AUTS2: variants seen among roughly 807,000 people sequenced by gnomAD.
AUTS2 encodes the protein activator of transcription and developmental regulator AUTS2.
AUTS2 carries 17 observed loss-of-function variants against 112.4 expected under a neutral mutation model. The observed-to-expected ratio is 0.15, with a 90% CI of 0.10 to 0.23. The LOEUF (loss-of-function observed/expected upper bound fraction) is 0.23, where lower values mean the gene tolerates loss of function less well. Ranked by LOEUF, AUTS2 falls within the 10% of genes least tolerant of loss-of-function variation. The pLI, the probability that AUTS2 is intolerant of heterozygous loss-of-function variation, is 1.00. For missense variants in AUTS2, 1,510 were observed against 1,701.6 expected (o/e 0.89, Z 1.98); for synonymous variants, 751 against 702.7 (o/e 1.07, Z -1.09).
At chr7:70,596,435 C>G (rs1449364698) in intron 5 of AUTS2, 2 of 152,182 alleles carry the variant, frequency 1.3e-5, no homozygotes, top group Non-Finnish European at 2.9e-5. Context: ...CTGGCTCCAG[C>G]CGTGGTACCG....
rs191623042 is a variant in AUTS2, at chr7:70,279,404, C to T, written c.660+144833C>T. On this transcript the variant is annotated intron_variant, in intron 4 of 18. Coordinates refer to ENST00000342771, the MANE Select transcript of AUTS2 (RefSeq NM_015570.4). ...GCACTGAACATATTGATGCAGAACC[C>T]GAACGAGGCTACTCCAGTGGGACAA... Among the ~76,000 whole-genome samples the T allele has an allele frequency of 9.2e-5, 14 of 152,238 alleles. No homozygotes were observed. The East Asian group carries it at 1.9e-3, about 21-fold the overall frequency.
At chr7:69,794,138 G>A (rs1368694050) in intron 1 of AUTS2, among the ~76,000 whole-genome samples, 1 of 152,182 alleles carries the variant, frequency 6.6e-6, no homozygotes, top group African/African-American at 2.4e-5. Flanking sequence ...GAGAATTGAG[G>A]TTCGGAGAAC....
chr7:70,703,263 G>A (rs945517080), intron 6 of AUTS2, among the ~76,000 whole-genome samples: 2 of 152,164 alleles, frequency 1.3e-5, no homozygotes, highest in African/African-American at 4.8e-5. Context: ...GGGAGGCTGA[G>A]GCAGGAGGAT....
At position 70,791,235 on chromosome 7, in the gene AUTS2, G is replaced by A. The variant is rs1377210687; in HGVS notation, c.*239G>A. The A allele has an allele frequency of 1.2e-5, 3 of 250,170 alleles. No homozygotes were observed. Among genetic ancestry groups the A allele is most frequent in the African/African-American group, 2.4e-5 (1 of 40,870 alleles). 15.5% of individuals were successfully genotyped at this position (250,170 alleles called of 1,614,324 possible). The stretch of plus-strand genomic sequence containing the variant: ...TCACGTCTCCTACTTTTTGTTTCTC[G>A]TATAAAACTTTTTGATTTGAACCAA... On this transcript the variant is annotated 3_prime_UTR_variant, in exon 19 of 19. Transcript: ENST00000342771.
chr7:70,217,044 A>AGGCGTATTTTTTTTTTCC (rs1811203788), intron 4 of AUTS2, among the ~76,000 whole-genome samples: 1 of 152,052 alleles, frequency 6.6e-6, no homozygotes. Flanking sequence ...CGTCTTACAT[A>AGGCGTATTTTTTTTTTCC]GGCGTATTTT....
intron 4 of AUTS2, among the ~76,000 whole-genome samples, chr7:70,189,640 T>C (rs964472034): frequency 1.3e-5 from 2 of 152,194 alleles, no homozygotes; most frequent in African/African-American, 4.8e-5. Flanking sequence ...AAAATGTGTG[T>C]TTAAGTGGAG....
At chr7:70,745,417 AG>A (rs1160246770) in intron 6 of AUTS2, among the ~76,000 whole-genome samples, 1 of 152,214 alleles carries the variant, frequency 6.6e-6, no homozygotes, top group Non-Finnish European at 1.5e-5. Flanking sequence ...ACTTTGTATC[AG>A]GTTTCCGGAT....
chr7:70,164,750 T>A (rs559733320), intron 4 of AUTS2, among the ~76,000 whole-genome samples: 1 of 152,206 alleles, frequency 6.6e-6, no homozygotes, highest in South Asian at 2.1e-4. Flanking sequence ...TTGAAAGAAG[T>A]AGTTACCCAT....
At chr7:70,582,839 A>C (rs1423795164) in intron 5 of AUTS2, among the ~76,000 whole-genome samples, 1 of 152,210 alleles carries the variant, frequency 6.6e-6, no homozygotes, top group Non-Finnish European at 1.5e-5. Context: ...CCTTTAAAAA[A>C]AATGTGTTGT....
At chr7:70,160,857 A>T (rs1257203188) in intron 4 of AUTS2, among the ~76,000 whole-genome samples, 1 of 152,188 alleles carries the variant, frequency 6.6e-6, no homozygotes, top group Non-Finnish European at 1.5e-5. Flanking sequence ...TTCTTCTTTG[A>T]TGGAGCTGTG....
chr7:70,649,403 A>G (rs1333122562), intron 5 of AUTS2, among the ~76,000 whole-genome samples: 1 of 152,238 alleles, frequency 6.6e-6, no homozygotes, highest in African/African-American at 2.4e-5. Context: ...CTCAAAAAAA[A>G]TAAAAAAGTA....
intron 1 of AUTS2, among the ~76,000 whole-genome samples, chr7:69,883,121 C>T (rs980572330): frequency 4.6e-5 from 7 of 152,050 alleles, no homozygotes; most frequent in Admixed American, 4.6e-4. Flanking sequence ...AGTTCTCGGA[C>T]TCAGATGTAA....
At chr7:70,179,014 C>T (rs1170906689) in intron 4 of AUTS2, among the ~76,000 whole-genome samples, 1 of 152,154 alleles carries the variant, frequency 6.6e-6, no homozygotes, top group African/African-American at 2.4e-5. Context: ...CTTGCCTTCT[C>T]TTCTGTTTAC....
At chr7:69,603,562 A>G (rs1219825630) in intron 1 of AUTS2, among the ~76,000 whole-genome samples, 1 of 152,200 alleles carries the variant, frequency 6.6e-6, no homozygotes, top group African/African-American at 2.4e-5. Context: ...TTTCATATTC[A>G]CAGGGACACT....
At chr7:70,114,069 T>C (rs1333417483) in intron 2 of AUTS2, among the ~76,000 whole-genome samples, 1 of 152,248 alleles carries the variant, frequency 6.6e-6, no homozygotes, top group Non-Finnish European at 1.5e-5. Context: ...GATGTTAATC[T>C]CATTGATAGA....
At chr7:70,220,523 A>G (rs1811419587) in intron 4 of AUTS2, among the ~76,000 whole-genome samples, 1 of 152,230 alleles carries the variant, frequency 6.6e-6, no homozygotes, top group African/African-American at 2.4e-5. Flanking sequence ...ATTAGATGTT[A>G]AATGGTGTCC....
intron 2 of AUTS2, among the ~76,000 whole-genome samples, chr7:69,932,394 C>T (rs780625322): frequency 2.0e-5 from 3 of 151,908 alleles, no homozygotes; most frequent in Non-Finnish European, 4.4e-5. Flanking sequence ...TTTTCAGGAG[C>T]GCTCTAAGAG....
intron 1 of AUTS2, among the ~76,000 whole-genome samples, chr7:69,681,555 G>C (rs1260223296): frequency 6.6e-6 from 1 of 152,182 alleles, no homozygotes. Context: ...GGTTGGCACT[G>C]ACTTACGCAT....
intron 2 of AUTS2, among the ~76,000 whole-genome samples, chr7:69,908,412 T>C (rs1795230127): frequency 6.6e-6 from 1 of 152,218 alleles, no homozygotes; most frequent in African/African-American, 2.4e-5. Context: ...AGATATAACT[T>C]TGTTATTTAC....
Sources: allele counts gnomAD v4.1 joint callset (sites outside exome capture counted in the v4.1 genomes callset), GRCh38; gene constraint gnomAD v4.1.1; transcripts MANE v1.5; gene names NCBI Gene and HGNC (gene_info 2026-07-23, HGNC 2026-07-21).